GRIK2: variants seen among roughly 807,000 people sequenced by gnomAD.
The protein encoded by GRIK2 is glutamate receptor ionotropic, kainate 2.
A neutral mutation model predicts 100.3 loss-of-function variants in GRIK2; 32 were observed. That is an observed-to-expected ratio of 0.32 (90% confidence interval 0.24 to 0.43). The LOEUF (loss-of-function observed/expected upper bound fraction) is 0.43, where lower values mean the gene tolerates loss of function less well. Ranked by LOEUF, GRIK2 falls within the 20% of genes least tolerant of loss-of-function variation. The probability of loss-of-function intolerance (pLI) is 1.00; values close to 1 mark genes in which losing one functional copy is unlikely to be tolerated. For synonymous variants in GRIK2, 417 were observed against 389.4 expected, an observed-to-expected ratio of 1.07 and a Z score of -0.83; for missense variants, 843 against 1,114.9, an observed-to-expected ratio of 0.76 and a Z score of 3.47.
chr6:101,559,362 A>G (rs777700566), intron 2 of GRIK2, among the ~76,000 whole-genome samples: 1 of 152,098 alleles, frequency 6.6e-6, no homozygotes, highest in Admixed American at 6.6e-5. Context: ...GCTCTCTATA[A>G]TCTTGTAACA....
At chr6:101,432,142 T>G (rs1203114512) in intron 2 of GRIK2, among the ~76,000 whole-genome samples, 1 of 152,332 alleles carries the variant, frequency 6.6e-6, no homozygotes, top group East Asian at 1.9e-4. Flanking sequence ...CTCTCATATT[T>G]GTTCCCTCTT....
rs943927787 is a variant in GRIK2 at position 101,756,483 on chromosome 6, T to C, written c.952-43165T>C. 9.0e-4 allele frequency among the ~76,000 whole-genome samples: 86 copies of C among 95,148 alleles called. 3 individuals carry two copies. 62.4% of individuals were successfully genotyped at this position (95,148 alleles called of 152,430 possible). A position where few individuals can be genotyped will look rare whatever the true frequency, so the allele number is the denominator to read the frequency against. The stretch of plus-strand genomic sequence containing the variant: ...TGAAATATCTACATTTATAAATGGT[T>C]ACATTTACAACATTTAAACATTTTA... On this transcript the variant is annotated intron_variant, in intron 7 of 16. Transcript: ENST00000369134.
At chr6:102,033,447 G>GC (rs1187426700) in intron 14 of GRIK2, among the ~76,000 whole-genome samples, 1 of 151,240 alleles carries the variant, frequency 6.6e-6, no homozygotes, top group Non-Finnish European at 1.5e-5. Flanking sequence ...GAGTCATCAT[G>GC]CTATTCGGAG....
chr6:101,764,084 A>T (rs1469987723), intron 7 of GRIK2, among the ~76,000 whole-genome samples: 1 of 152,134 alleles, frequency 6.6e-6, no homozygotes, highest in African/African-American at 2.4e-5. Context: ...GGTTCTCTGT[A>T]TTCACTGTCT....
At chr6:101,873,782 A>G (rs371193479) in intron 11 of GRIK2, among the ~76,000 whole-genome samples, 19 of 151,688 alleles carry the variant, frequency 1.3e-4, no homozygotes, top group South Asian at 1.0e-3. Flanking sequence ...TTTAATGATC[A>G]CCATTCTAAC....
intron 7 of GRIK2, among the ~76,000 whole-genome samples, chr6:101,794,866 ATT>A (rs554125741): frequency 4.5e-5 from 6 of 134,746 alleles, no homozygotes; most frequent in South Asian, 2.3e-4. Context: ...GCTTGTTTCA[ATT>A]TTTTTTTTTT....
At chr6:101,898,798 A>G (rs1787651004) in intron 12 of GRIK2, among the ~76,000 whole-genome samples, 1 of 151,660 alleles carries the variant, frequency 6.6e-6, no homozygotes, top group South Asian at 2.1e-4. Context: ...TTGTTTTTTC[A>G]TAATTCATGG....
At chr6:102,027,665 A>C (rs1349536539) in intron 14 of GRIK2, among the ~76,000 whole-genome samples, 1 of 151,122 alleles carries the variant, frequency 6.6e-6, no homozygotes, top group Non-Finnish European at 1.5e-5. Context: ...TTAATTCTAA[A>C]TCCTTGCTTT....
At chr6:101,626,680 G>T (rs1255516542) in intron 4 of GRIK2, 43 bp downstream of exon 4, 2 of 1,542,938 alleles carry the variant, frequency 1.3e-6, no homozygotes, top group Admixed American at 3.6e-5. Flanking sequence ...TTTAAATATA[G>T]ATAATTTTCT....
intron 15 of GRIK2, among the ~76,000 whole-genome samples, chr6:102,044,285 A>T (rs1317514850): frequency 6.6e-6 from 1 of 152,016 alleles, no homozygotes; most frequent in Non-Finnish European, 1.5e-5. Context: ...AAAATTTTCT[A>T]GTGGTGCTCT....
chr6:101,717,506 T>C (rs1172648495), intron 7 of GRIK2, among the ~76,000 whole-genome samples: 1 of 151,812 alleles, frequency 6.6e-6, no homozygotes, highest in Non-Finnish European at 1.5e-5. Flanking sequence ...ATTCCTTGAG[T>C]ATGTTACAAG....
intron 2 of GRIK2, among the ~76,000 whole-genome samples, chr6:101,443,933 G>C (rs1432734558): frequency 6.7e-6 from 1 of 150,164 alleles, no homozygotes; most frequent in African/African-American, 2.5e-5. Context: ...CTTCTCGGCT[G>C]GAGTGTAATG....
intron 14 of GRIK2, among the ~76,000 whole-genome samples, chr6:101,969,338 G>T (rs2128485321): frequency 6.6e-6 from 1 of 151,942 alleles, no homozygotes; most frequent in South Asian, 2.1e-4. Flanking sequence ...TTAGTTCAAT[G>T]ATAAAATATT....
chr6:101,548,353 T>G (rs1271878183), intron 2 of GRIK2, among the ~76,000 whole-genome samples: 1 of 152,236 alleles, frequency 6.6e-6, no homozygotes, highest in Admixed American at 6.5e-5. Flanking sequence ...TTTTGGCTTT[T>G]GTTGCCATTG....
intron 12 of GRIK2, among the ~76,000 whole-genome samples, chr6:101,911,345 A>G (rs1788675947): frequency 6.6e-6 from 1 of 151,610 alleles, no homozygotes; most frequent in Non-Finnish European, 1.5e-5. Flanking sequence ...AATTGGTATT[A>G]CATTTCATCA....
chr6:101,643,702 G>C (rs983867520), intron 4 of GRIK2, among the ~76,000 whole-genome samples: 1 of 151,206 alleles, frequency 6.6e-6, no homozygotes, highest in Admixed American at 6.6e-5. Flanking sequence ...GTTTTGGCTA[G>C]TCAGGATTTC....
At chr6:101,628,734 T>G (rs922943338) in intron 4 of GRIK2, among the ~76,000 whole-genome samples, 5 of 152,108 alleles carry the variant, frequency 3.3e-5, no homozygotes, top group African/African-American at 1.2e-4. Flanking sequence ...CATGTATAGG[T>G]TGTCCAAACA....
chr6:101,691,107 A>G (rs1311664983), intron 7 of GRIK2, among the ~76,000 whole-genome samples: 1 of 152,006 alleles, frequency 6.6e-6, no homozygotes, highest in Admixed American at 6.5e-5. Flanking sequence ...TGACTGCCTG[A>G]TTGAATAAAT....
chr6:101,628,435 T>A (rs1780561213), intron 4 of GRIK2, among the ~76,000 whole-genome samples: 1 of 152,128 alleles, frequency 6.6e-6, no homozygotes, highest in Admixed American at 6.6e-5. Context: ...AAAATAAGTA[T>A]GTTTGATCTC....
Sources: allele counts gnomAD v4.1 joint callset (sites outside exome capture counted in the v4.1 genomes callset), GRCh38; gene constraint gnomAD v4.1.1; transcripts MANE v1.5; gene names NCBI Gene and HGNC (gene_info 2026-07-23, HGNC 2026-07-21).